MORN3: variants seen among roughly 807,000 people sequenced by gnomAD.
MORN3 encodes the protein MORN repeat-containing protein 3.
MORN3 carries 38 observed loss-of-function variants against 34.7 expected under a neutral mutation model. That is an observed-to-expected ratio of 1.10 (90% CI 0.85 to 1.44). The LOEUF (loss-of-function observed/expected upper bound fraction) is 1.44. Ranked by LOEUF, MORN3 falls within the 40% of genes most tolerant of loss-of-function variation. The probability of loss-of-function intolerance (pLI) is 0.00; values close to 1 mark genes in which losing one functional copy is unlikely to be tolerated. For missense variants in MORN3, 311 were observed against 321.7 expected, an observed-to-expected ratio of 0.97 and a Z score of 0.25; for synonymous variants, 109 against 115.3, an observed-to-expected ratio of 0.95 and a Z score of 0.35.
chr12:121,657,919 G>T (rs376251357), intron 2 of MORN3, among the ~76,000 whole-genome samples: 2 of 152,086 alleles, frequency 1.3e-5, no homozygotes, highest in South Asian at 4.2e-4. Context: ...CTCCCACACA[G>T]CCAGTTCTGT....
chr12:121,653,255 G>C lies in MORN3; in HGVS notation c.468C>G (p.Asn156Lys). ...PNGEGMLRLKNGNRYEGCWER... is the reference protein window; with the variant it reads ...PNGEGMLRLKKGNRYEGCWER... ...CCCAGCAGCCCTCGTAGCGGTTCCC[G>C]TTCTCTGGGGGAAAGGACAGGGAGG... is the stretch of plus-strand genomic sequence containing the variant. Residue 156 changes from asparagine to lysine, a missense_variant, in exon 4 of 6, where the codon AAC becomes AAG. Physicochemically the swap from Asn to Lys is moderately conservative, Grantham distance 94 (BLOSUM62 0). Coordinates refer to ENST00000355329, the MANE Select transcript of MORN3 (RefSeq NM_173855.5). 2 of 1,613,418 alleles carry C rather than the reference G, an allele frequency of 1.2e-6. No homozygotes were observed. The highest frequency in any genetic ancestry group is 1.7e-6 in the Non-Finnish European group (2 of 1,179,756).
At chr12:121,661,236 G>T (rs917878475) in intron 1 of MORN3, among the ~76,000 whole-genome samples, 4 of 152,050 alleles carry the variant, frequency 2.6e-5, no homozygotes, top group Non-Finnish European at 5.9e-5. Flanking sequence ...TGGGATTACA[G>T]GCATGAGGCA....
rs781857174 is a variant in MORN3 at position 121,653,242 on chromosome 12, C to G, written c.481G>C (p.Glu161Gln). 6.2e-6 allele frequency: 10 copies of G among 1,614,006 alleles called. No homozygotes were observed. Among genetic ancestry groups the G allele is most frequent in the Non-Finnish European group, 7.6e-6 (9 of 1,179,980 alleles). The change falls in exon 4 of 6, where the codon GAG becomes CAG. Residue 161 changes from glutamate to glutamine, a missense_variant. By Grantham distance (29) the Glu-to-Gln change is conservative. Transcript: ENST00000355329. ...MLRLKNGNRYEGCWERGMKNG... is the reference protein window; with the variant it reads ...MLRLKNGNRYQGCWERGMKNG... ...TTCATGCCTCTCTCCCAGCAGCCCT[C>G]GTAGCGGTTCCCGTTCTCTGGGGGA...
chr12:121,651,940 A>G (rs76477367), intron 5 of MORN3, among the ~76,000 whole-genome samples: 4,489 of 151,722 alleles, frequency 0.03, 176 homozygotes, highest in East Asian at 0.11. Flanking sequence ...TTGTTTGTTT[A>G]TTTGTTTGTT....
At chr12:121,652,632 C>T (rs1893285603) in intron 5 of MORN3, 96 bp downstream of exon 5, 10 of 1,191,730 alleles carry the variant, frequency 8.4e-6, no homozygotes, top group South Asian at 3.8e-5. Context: ...TCCCCGACCC[C>T]AAGCCCTTTG....
At chr12:121,666,014 C>T (rs758045396) in intron 1 of MORN3, among the ~76,000 whole-genome samples, 1 of 151,808 alleles carries the variant, frequency 6.6e-6, no homozygotes, top group African/African-American at 2.4e-5. Flanking sequence ...GTGAGGCAAA[C>T]CAAAACTTAT....
chr12:121,663,586 A>G (rs760641825), intron 1 of MORN3, among the ~76,000 whole-genome samples: 16 of 152,252 alleles, frequency 1.1e-4, no homozygotes, highest in Admixed American at 2.6e-4. Flanking sequence ...AATAAAGCCG[A>G]GGGAGAAAAG....
chr12:121,654,988 T>C (rs1314875357), intron 2 of MORN3, among the ~76,000 whole-genome samples: 4 of 152,104 alleles, frequency 2.6e-5, no homozygotes, highest in African/African-American at 4.8e-5. Flanking sequence ...CCCTCCTTAC[T>C]GACCCACCCT....
At position 121,652,709 on chromosome 12, in the gene MORN3, A is replaced by C. The variant is rs1566477628; in HGVS notation, c.*6+19T>G. The stretch of plus-strand genomic sequence containing the variant: ...AGCCTCAGCCACATCAGAACTTGGC[A>C]GGTGTGCCCACCCCTCACCTGGCAT... On this transcript the variant is annotated intron_variant, in intron 5 of 5. Coordinates refer to ENST00000355329, the MANE Select transcript of MORN3 (RefSeq NM_173855.5). 1.2e-6 allele frequency: 2 copies of C among 1,612,340 alleles called. No homozygotes were observed. Among genetic ancestry groups the C allele is most frequent in the South Asian group, 2.2e-5 (2 of 91,024 alleles).
intron 3 of MORN3, among the ~76,000 whole-genome samples, chr12:121,653,796 G>A (rs1346160904): frequency 6.6e-6 from 1 of 152,168 alleles, no homozygotes; most frequent in Non-Finnish European, 1.5e-5. Context: ...ATGAGCCACT[G>A]CGCCTGGCTT....
At chr12:121,652,620 A>G in intron 5 of MORN3, 108 bp downstream of exon 5, 2 of 996,848 alleles carry the variant, frequency 2.0e-6, no homozygotes, top group Non-Finnish European at 3.1e-6. Context: ...TTGCTCCCCC[A>G]CTCCCCGACC....
At chr12:121,665,458 T>C (rs1566485751) in intron 1 of MORN3, among the ~76,000 whole-genome samples, 1 of 150,406 alleles carries the variant, frequency 6.6e-6, no homozygotes, top group African/African-American at 2.4e-5. Flanking sequence ...GCCCGGCTAA[T>C]TTTTTGGATT....
chr12:121,653,026 T>C lies in MORN3; in HGVS notation c.648+49A>G, dbSNP rs571926613. ...CTGGGCATGGCTGGGGATGCTGGCT[T>C]CTGTCTCTGTCTGGGTGTGGCCACA... On this transcript the variant is annotated intron_variant, in intron 4 of 5. Coordinates refer to ENST00000355329, the MANE Select transcript of MORN3 (RefSeq NM_173855.5). 11 of 1,542,346 alleles carry C rather than the reference T, an allele frequency of 7.1e-6. No individual in the cohort carries two copies. In the East Asian group the frequency reaches 2.7e-4, roughly 37 times the overall value.
chr12:121,654,456 A>T, intron 2 of MORN3, 23 bp from the exon 3 acceptor site: 2 of 1,553,796 alleles, frequency 1.3e-6, no homozygotes, highest in Non-Finnish European at 1.7e-6. Flanking sequence ...AGATGCTACT[A>T]CTCAGGGCGC....
chr12:121,667,398 C>T (rs1284291408), intron 1 of MORN3, among the ~76,000 whole-genome samples: 5 of 151,730 alleles, frequency 3.3e-5, no homozygotes, highest in African/African-American at 7.3e-5. Flanking sequence ...GGATTACAGG[C>T]GTTCACCACT....
In MORN3 at chr12:121,649,772, A is replaced by G. The variant is rs1468528714; in HGVS notation, c.*1879T>C. The G allele has an allele frequency of 6.8e-6, 1 of 146,766 alleles. No individual in the cohort carries two copies. Among genetic ancestry groups the G allele is most frequent in the Admixed American group, 7.0e-5 (1 of 14,378 alleles). The allele number at this position is 146,766 out of a possible 1,614,324, so 9.1% of individuals were successfully genotyped here. A position where few individuals can be genotyped will look rare whatever the true frequency, so the allele number is the denominator to read the frequency against. ...CGCCCAGGCTGGAGTGCAATGGCGC[A>G]ATCTCGGCTCACTGCAACCTCTGCC... On this transcript the variant is annotated 3_prime_UTR_variant, in exon 6 of 6. Transcript: ENST00000355329.
At chr12:121,672,572 C>A (rs1325680157), upstream of MORN3, 4 of 152,368 alleles carry the variant, frequency 2.6e-5, no homozygotes, top group African/African-American at 9.6e-5. Context: ...GGCTCACCTG[C>A]GCTCACCTGC....
At chr12:121,666,268 A>G (rs1893751893) in intron 1 of MORN3, among the ~76,000 whole-genome samples, 1 of 151,646 alleles carries the variant, frequency 6.6e-6, no homozygotes, top group African/African-American at 2.4e-5. Context: ...GCTATCTCCC[A>G]CCTCTGCCTC....
intron 2 of MORN3, among the ~76,000 whole-genome samples, chr12:121,655,630 G>A (rs1176412023): frequency 6.6e-6 from 1 of 152,126 alleles, no homozygotes; most frequent in Non-Finnish European, 1.5e-5. Flanking sequence ...AGAATTGCTT[G>A]AACCCAGGAG....
Sources: allele counts gnomAD v4.1 joint callset (sites outside exome capture counted in the v4.1 genomes callset), GRCh38; gene constraint gnomAD v4.1.1; transcripts MANE v1.5; gene names NCBI Gene and HGNC (gene_info 2026-07-23, HGNC 2026-07-21).